Variants in IQCM observed in about 807,000 individuals in gnomAD.
The protein encoded by IQCM is IQ domain-containing protein M.
IQCM carries 45 observed loss-of-function variants against 57.6 expected under a neutral mutation model. The observed-to-expected ratio is 0.78, with a 90% CI of 0.62 to 1.00. The LOEUF (loss-of-function observed/expected upper bound fraction) is 1.00. Among genes scored for constraint, IQCM ranks in the 50% least tolerant of loss-of-function variants. The probability of loss-of-function intolerance (pLI) is 0.00; values close to 1 mark genes in which losing one functional copy is unlikely to be tolerated. For synonymous variants in IQCM, 148 were observed against 158.9 expected (o/e 0.93, Z 0.51); for missense variants, 468 against 511.6 (o/e 0.91, Z 0.82).
rs1236897737 is a variant in IQCM, at chr4:149,602,035, C to CAA, written c.682-14040_682-14039dup. On this transcript the variant is annotated intron_variant, in intron 8 of 13. Coordinates refer to ENST00000636793, the MANE Select transcript of IQCM (RefSeq NM_001363507.2). ...TGCCACTGCGCTCCAGCCTGGGCGA[C>CAA]AAAAAAAAAAAAAAAAAAAAGAAAA... Among the ~76,000 whole-genome samples the CAA allele has an allele frequency of 1.8e-3, 65 of 35,324 alleles. 1 individual carries two copies. The highest frequency in any genetic ancestry group is 2.7e-3 in the African/African-American group (28 of 10,312). 23.2% of individuals were successfully genotyped at this position (35,324 alleles called of 152,430 possible).
rs544543737 is a variant in IQCM at position 149,527,588 on chromosome 4, C to T, written c.1228+20867G>A. 1.6e-3 allele frequency among the ~76,000 whole-genome samples: 251 copies of T among 152,276 alleles called. 1 individual carries two copies. Among genetic ancestry groups the T allele is most frequent in the African/African-American group, 5.6e-3 (233 of 41,554 alleles). ...ATATATTTATTGTTTAAGCCACCCA[C>T]GCTATAGTATTTTGTTAAAGCAGCC... On this transcript the variant is annotated intron_variant, in intron 12 of 13. Coordinates refer to ENST00000636793, the MANE Select transcript of IQCM (RefSeq NM_001363507.2).
At chr4:149,584,627 G>A (rs567522529) in intron 9 of IQCM, among the ~76,000 whole-genome samples, 1 of 151,690 alleles carries the variant, frequency 6.6e-6, no homozygotes, top group East Asian at 2.0e-4. Context: ...ATGCTTCTAA[G>A]GGAAAATCTT....
intron 5 of IQCM, among the ~76,000 whole-genome samples, chr4:149,701,726 C>T (rs1459576600): frequency 1.3e-5 from 2 of 151,936 alleles, no homozygotes; most frequent in African/African-American, 4.8e-5. Flanking sequence ...AAAAAAGATA[C>T]TACAAGAATA....
chr4:149,556,981 TA>T (rs1395329896), intron 10 of IQCM, among the ~76,000 whole-genome samples: 1 of 152,214 alleles, frequency 6.6e-6, no homozygotes, highest in Non-Finnish European at 1.5e-5. Flanking sequence ...CAGAAACTGT[TA>T]AATAAACATT....
At chr4:149,762,110 G>A (rs1019152840) in intron 2 of IQCM, among the ~76,000 whole-genome samples, 2 of 151,874 alleles carry the variant, frequency 1.3e-5, no homozygotes, top group Non-Finnish European at 2.9e-5. Flanking sequence ...AGGTAAGGGG[G>A]TACTTTAAGA....
At chr4:149,644,803 A>G (rs374359299) in intron 7 of IQCM, among the ~76,000 whole-genome samples, 150 of 152,312 alleles carry the variant, frequency 9.8e-4, no homozygotes, top group Middle Eastern at 6.8e-3. Context: ...TTTTAACAAC[A>G]CTCATTTGCA....
intron 2 of IQCM, among the ~76,000 whole-genome samples, chr4:149,813,362 C>G (rs1561302549): frequency 6.6e-6 from 1 of 151,880 alleles, no homozygotes; most frequent in East Asian, 1.9e-4. Context: ...AGACATGAAC[C>G]CACAAGAATG....
intron 12 of IQCM, among the ~76,000 whole-genome samples, chr4:149,538,658 C>T (rs1490140852): frequency 6.6e-6 from 1 of 151,672 alleles, no homozygotes; most frequent in Non-Finnish European, 1.5e-5. Context: ...TGCAAATAGG[C>T]TGAAAGAAAA....
intron 7 of IQCM, among the ~76,000 whole-genome samples, chr4:149,651,546 G>A (rs1273135808): frequency 6.6e-6 from 1 of 151,846 alleles, no homozygotes; most frequent in Non-Finnish European, 1.5e-5. Context: ...ACAAATGGCT[G>A]GTCTGGGAAG....
intron 13 of IQCM, among the ~76,000 whole-genome samples, chr4:149,385,513 A>C (rs1335803465): frequency 6.6e-6 from 1 of 152,076 alleles, no homozygotes; most frequent in Non-Finnish European, 1.5e-5. Flanking sequence ...TGGATCAATC[A>C]CAAATTTATA....
At chr4:149,640,644 G>A (rs561244032) in intron 7 of IQCM, among the ~76,000 whole-genome samples, 2 of 151,970 alleles carry the variant, frequency 1.3e-5, no homozygotes, top group Admixed American at 6.6e-5. Flanking sequence ...CATCTTTAAG[G>A]CTTTTCCCAT....
chr4:149,428,219 A>C (rs1386246948), intron 13 of IQCM, among the ~76,000 whole-genome samples: 1 of 151,888 alleles, frequency 6.6e-6, no homozygotes, highest in African/African-American at 2.4e-5. Flanking sequence ...AGTTACAAGA[A>C]AATATGACAA....
At chr4:149,447,354 G>T (rs549007331) in intron 12 of IQCM, among the ~76,000 whole-genome samples, 2 of 151,480 alleles carry the variant, frequency 1.3e-5, no homozygotes, top group East Asian at 1.9e-4. Context: ...AATCCAAACC[G>T]ATCTTCAATT....
At chr4:149,721,135 T>TA (rs1266117512) in intron 5 of IQCM, among the ~76,000 whole-genome samples, 2 of 152,066 alleles carry the variant, frequency 1.3e-5, no homozygotes, top group Non-Finnish European at 2.9e-5. Flanking sequence ...AAATACACAA[T>TA]AAAAAATAAT....
chr4:149,778,025 AGGTAATCTAT>A (rs1771254729), intron 2 of IQCM, among the ~76,000 whole-genome samples: 1 of 152,232 alleles, frequency 6.6e-6, no homozygotes, highest in African/African-American at 2.4e-5. Flanking sequence ...ATGTACTTCT[AGGTAATCTAT>A]GGGTCAGAAA....
At chr4:149,791,300 T>C (rs1183852578) in intron 2 of IQCM, among the ~76,000 whole-genome samples, 1 of 152,148 alleles carries the variant, frequency 6.6e-6, no homozygotes, top group Non-Finnish European at 1.5e-5. Flanking sequence ...TTATTATAGA[T>C]GCATAATAGT....
chr4:149,410,615 T>C (rs1325924604), intron 13 of IQCM, among the ~76,000 whole-genome samples: 1 of 151,982 alleles, frequency 6.6e-6, no homozygotes, highest in Non-Finnish European at 1.5e-5. Flanking sequence ...ATATTAACAG[T>C]AGCATTCACA....
chr4:149,562,454 A>T (rs928474446), intron 10 of IQCM, among the ~76,000 whole-genome samples: 1 of 152,200 alleles, frequency 6.6e-6, no homozygotes, highest in Non-Finnish European at 1.5e-5. Context: ...CAGTTTATCA[A>T]TATAGATAGT....
intron 7 of IQCM, among the ~76,000 whole-genome samples, chr4:149,645,990 C>A (rs1373027556): frequency 6.6e-6 from 1 of 152,158 alleles, no homozygotes. Flanking sequence ...ATACTTCCTG[C>A]TTATACAGTG....
Sources: gnomAD v4.1 joint callset for allele counts (sites outside exome capture counted in the v4.1 genomes callset) on GRCh38, gnomAD v4.1.1 for gene constraint, MANE v1.5 for transcripts, NCBI Gene and HGNC (gene_info 2026-07-23, HGNC 2026-07-21) for gene names.